Variants in AK9 observed in about 807,000 individuals in gnomAD.
AK9 encodes the protein adenylate kinase domain containing 1.
AK9 carries 191 observed loss-of-function variants against 239.6 expected under a neutral mutation model. The observed-to-expected ratio is 0.80, with a 90% CI of 0.71 to 0.90. The LOEUF (loss-of-function observed/expected upper bound fraction) is 0.90. Among genes scored for constraint, AK9 ranks in the 40% least tolerant of loss-of-function variants. The pLI, the probability that AK9 is intolerant of heterozygous loss-of-function variation, is 0.00. For missense variants in AK9, 1,995 were observed against 2,214.7 expected (o/e 0.90, Z 1.99); for synonymous variants, 689 against 721.0 (o/e 0.96, Z 0.71).
chr6:109,640,130 G>C (rs1250481190), intron 10 of AK9, among the ~76,000 whole-genome samples: 1 of 152,092 alleles, frequency 6.6e-6, no homozygotes, highest in East Asian at 1.9e-4. Context: ...TGGCAGTGTG[G>C]GCTCTTTTTT....
At position 109,585,906 on chromosome 6, in the gene AK9, A is replaced by G. The variant is rs566493499; in HGVS notation, c.1999+10T>C. 301 of 1,530,612 alleles carry G rather than the reference A, an allele frequency of 2.0e-4. No homozygotes were observed. The African/African-American group carries it at 3.7e-3, about 19-fold the overall frequency. 94.8% of individuals were successfully genotyped at this position (1,530,612 alleles called of 1,614,324 possible). On this transcript the variant is annotated intron_variant, in intron 18 of 40. Transcript: ENST00000424296. The stretch of plus-strand genomic sequence containing the variant: ...TCACTTTCAAATTTACATAATAAAT[A>G]TTTACCAACCATTGTTTTCTGTATC...
intron 3 of AK9, among the ~76,000 whole-genome samples, chr6:109,673,953 G>A (rs1771308360): frequency 6.7e-6 from 1 of 150,090 alleles, no homozygotes; most frequent in Non-Finnish European, 1.5e-5. Context: ...GGGCAACAAA[G>A]CAAGACCATG....
Position 109,495,345 on chromosome 6 carries a change from A to C in AK9, c.5411T>G (p.Leu1804Arg), listed in dbSNP as rs1403126089. ...LLTSLPLPGY[L>R]EQGIATSLIK... ...AAAATTAAGTAAAAGAACCTGTTCC[A>C]GATATCCAGGCAAAGGAAGACTAGT... Residue 1804 changes from leucine (L) to arginine (R), a missense_variant, in exon 39 of 41, where the codon CTG (leucine) becomes CGG (arginine). By Grantham distance (102) the Leu-to-Arg change is moderately radical. Transcript: ENST00000424296. The C allele has an allele frequency of 6.2e-7, 1 of 1,610,276 alleles. No individual in the cohort carries two copies. Among genetic ancestry groups the C allele is most frequent in the South Asian group, 1.1e-5 (1 of 90,782 alleles).
intron 10 of AK9, among the ~76,000 whole-genome samples, chr6:109,635,352 T>C (rs1373115080): frequency 6.6e-6 from 1 of 152,106 alleles, no homozygotes; most frequent in Non-Finnish European, 1.5e-5. Flanking sequence ...TGCAAAACCC[T>C]GGAAAGACAT....
In AK9 at chr6:109,691,136, C is replaced by T; in HGVS notation, c.-12+11G>A. 1 of 550,822 alleles carries T rather than the reference C, an allele frequency of 1.8e-6. No individual in the cohort carries two copies. Among genetic ancestry groups the T allele is most frequent in the Non-Finnish European group, 3.3e-6 (1 of 306,188 alleles). The allele number at this position is 550,822 out of a possible 1,614,324, so 34.1% of individuals were successfully genotyped here. On this transcript the variant is annotated intron_variant, in intron 1 of 40. Transcript: ENST00000424296. The stretch of plus-strand genomic sequence containing the variant: ...ACTTTTTCTCCGCCCATGTTTTCCT[C>T]CAATCCTTACCAAAGATGGTGCCCT...
At chr6:109,500,348 G>GT (rs1777487875) in intron 35 of AK9, among the ~76,000 whole-genome samples, 2 of 152,124 alleles carry the variant, frequency 1.3e-5, no homozygotes, top group Non-Finnish European at 2.9e-5. Context: ...GAACAAAAAT[G>GT]TAAGTACACA....
intron 17 of AK9, among the ~76,000 whole-genome samples, chr6:109,604,674 C>G (rs1792602235): frequency 6.6e-6 from 1 of 152,152 alleles, no homozygotes; most frequent in Admixed American, 6.5e-5. Flanking sequence ...CTTTGTTGAA[C>G]TGTTCTAGTC....
chr6:109,672,512 A>C (rs1032999815), intron 3 of AK9, among the ~76,000 whole-genome samples: 2 of 151,946 alleles, frequency 1.3e-5, no homozygotes, highest in Non-Finnish European at 1.5e-5. Context: ...GGGAGACTAC[A>C]TTCCTACAAA....
chr6:109,617,445 G>A (rs917243202), intron 13 of AK9, among the ~76,000 whole-genome samples: 5 of 94,240 alleles, frequency 5.3e-5, no homozygotes, highest in African/African-American at 1.2e-4. Flanking sequence ...ATTACATTAT[G>A]TATTAAAAGT....
chr6:109,544,171 CAT>C lies in AK9; in HGVS notation c.3225+1694_3225+1695del, dbSNP rs1783234543. On this transcript the variant is annotated intron_variant, in intron 26 of 40. Coordinates refer to ENST00000424296, the MANE Select transcript of AK9 (RefSeq NM_001145128.3). The stretch of plus-strand genomic sequence containing the variant: ...GGTACTTCATTACCTATTAGAACAC[CAT>C]ATGTCACTCACTATCCAACCCTGCT... Among the ~76,000 whole-genome samples, 4 of 152,012 alleles carry C rather than the reference CAT, an allele frequency of 2.6e-5. No individual in the cohort carries two copies. In the South Asian group the frequency reaches 8.3e-4, roughly 32 times the overall value.
At chr6:109,630,672 C>T (rs1796008499) in intron 12 of AK9, among the ~76,000 whole-genome samples, 1 of 151,868 alleles carries the variant, frequency 6.6e-6, no homozygotes, top group Admixed American at 6.6e-5. Flanking sequence ...AGCAAGACCC[C>T]ATCTCTACAA....
At chr6:109,501,069 C>A (rs928838390) in intron 35 of AK9, among the ~76,000 whole-genome samples, 1 of 152,082 alleles carries the variant, frequency 6.6e-6, no homozygotes, top group African/African-American at 2.4e-5. Flanking sequence ...TGGAGAAGCA[C>A]CCTGTAATCG....
intron 17 of AK9, among the ~76,000 whole-genome samples, chr6:109,586,537 T>A (rs984356907): frequency 6.6e-6 from 1 of 152,212 alleles, no homozygotes; most frequent in Admixed American, 6.5e-5. Context: ...CCCTAGAGTC[T>A]ACATTTCTAA....
intron 8 of AK9, among the ~76,000 whole-genome samples, chr6:109,647,518 CAGTTCAACA>C (rs1798239509): frequency 6.6e-6 from 1 of 152,160 alleles, no homozygotes; most frequent in Non-Finnish European, 1.5e-5. Context: ...GTAAAGGGAT[CAGTTCAACA>C]ATAAGAGCTA....
At position 109,541,912 on chromosome 6, in the gene AK9, C is replaced by A. The variant is rs371305554; in HGVS notation, c.3350+135G>T. ...CTCTACAGATGTTTTTAATGTGTATCTCAAGTGAAAAATCACCAGCTTACA... is the reference window on the plus strand; with the variant it reads ...CTCTACAGATGTTTTTAATGTGTATATCAAGTGAAAAATCACCAGCTTACA... On this transcript the variant is annotated intron_variant, in intron 27 of 40. Transcript: ENST00000424296. 4.3e-5 allele frequency: 33 copies of A among 767,754 alleles called. 1 individual carries two copies. The African/African-American group carries it at 4.9e-4, about 11-fold the overall frequency. 47.6% of individuals were successfully genotyped at this position (767,754 alleles called of 1,614,324 possible). A position where few individuals can be genotyped will look rare whatever the true frequency, so the allele number is the denominator to read the frequency against.
At chr6:109,671,139 T>C (rs1770825279) in intron 5 of AK9, among the ~76,000 whole-genome samples, 1 of 152,194 alleles carries the variant, frequency 6.6e-6, no homozygotes, top group Admixed American at 6.6e-5. Flanking sequence ...CTTCCATCAT[T>C]GATTTGCTTT....
chr6:109,621,893 TAAAA>T (rs59405869), intron 12 of AK9, among the ~76,000 whole-genome samples: 21,164 of 55,490 alleles, frequency 0.38, 2,263 homozygotes, highest in Middle Eastern at 0.53. Flanking sequence ...AAAGTATAAT[TAAAA>T]AAAAAAAAAA....
intron 10 of AK9, among the ~76,000 whole-genome samples, chr6:109,635,788 C>A (rs1423125269): frequency 2.0e-5 from 3 of 152,070 alleles, no homozygotes; most frequent in African/African-American, 7.2e-5. Flanking sequence ...TTGCCAGGGC[C>A]AGAACAAAAT....
chr6:109,612,836 T>C (rs1793733389), intron 15 of AK9, among the ~76,000 whole-genome samples: 1 of 151,144 alleles, frequency 6.6e-6, no homozygotes, highest in South Asian at 2.1e-4. Context: ...ACTTTAAAAC[T>C]GAATAAAAAA....
Sources: allele counts gnomAD v4.1 joint callset (sites outside exome capture counted in the v4.1 genomes callset), GRCh38; gene constraint gnomAD v4.1.1; transcripts MANE v1.5; gene names NCBI Gene and HGNC (gene_info 2026-07-23, HGNC 2026-07-21).